Variants in MARS1 observed in about 807,000 individuals in gnomAD.
The protein encoded by MARS1 is methionine--tRNA ligase, cytoplasmic.
Under a neutral mutation model 119.5 loss-of-function variants are expected in MARS1, and 80 were observed. The observed-to-expected ratio is 0.67, with a 90% CI of 0.56 to 0.81. MARS1 has a LOEUF of 0.81. Among genes scored for constraint, MARS1 ranks in the 30% least tolerant of loss-of-function variants. The pLI, the probability that MARS1 is intolerant of heterozygous loss-of-function variation, is 0.00. For synonymous variants in MARS1, 418 were observed against 433.4 expected, an observed-to-expected ratio of 0.96 and a Z score of 0.44; for missense variants, 945 against 1,116.5, an observed-to-expected ratio of 0.85 and a Z score of 2.19.
chr12:57,495,256 C>G (rs1214721824), intron 7 of MARS1, among the ~76,000 whole-genome samples: 1 of 150,520 alleles, frequency 6.6e-6, no homozygotes, highest in African/African-American at 2.4e-5. Flanking sequence ...GCTGGCGGGG[C>G]GGGGGCTGCC....
intron 7 of MARS1, among the ~76,000 whole-genome samples, chr12:57,494,022 C>T (rs1876444825): frequency 1.5e-5 from 2 of 136,254 alleles, no homozygotes; most frequent in South Asian, 4.4e-4. Flanking sequence ...GTGGCGTGAT[C>T]TCAGCTCACT....
intron 7 of MARS1, 82 bp from the exon 8 acceptor site, chr12:57,498,075 T>C: frequency 3.6e-6 from 3 of 841,918 alleles, no homozygotes; most frequent in East Asian, 4.9e-5. Flanking sequence ...AACAAATCTG[T>C]GTCCGGGTGT....
intron 11 of MARS1, among the ~76,000 whole-genome samples, chr12:57,506,287 A>G (rs1287288693): frequency 6.6e-6 from 1 of 151,978 alleles, no homozygotes; most frequent in African/African-American, 2.4e-5. Flanking sequence ...AATTAGCCAA[A>G]TGTGGTGGTG....
chr12:57,508,146 G>A (rs1436903784), intron 11 of MARS1, among the ~76,000 whole-genome samples: 1 of 151,672 alleles, frequency 6.6e-6, no homozygotes, highest in Non-Finnish European at 1.5e-5. Flanking sequence ...ATGGGATGGC[G>A]GCCGGGCAGA....
intron 10 of MARS1, among the ~76,000 whole-genome samples, chr12:57,502,673 T>G (rs1876973765): frequency 8.0e-6 from 1 of 124,916 alleles, no homozygotes; most frequent in South Asian, 2.6e-4. Context: ...GCTACTGCAC[T>G]CCAGCCTGGG....
chr12:57,488,801 C>G, intron 1 of MARS1: 1 of 850,288 alleles, frequency 1.2e-6, no homozygotes, highest in South Asian at 1.7e-5. Flanking sequence ...CAGTCCCCAT[C>G]TGTTGCTTCC....
intron 15 of MARS1, among the ~76,000 whole-genome samples, chr12:57,514,344 A>G (rs908739793): frequency 5.3e-5 from 8 of 151,870 alleles, no homozygotes; most frequent in Non-Finnish European, 1.0e-4. Context: ...TTTTTAGTAG[A>G]GACGAGGTTT....
intron 10 of MARS1, chr12:57,503,996 T>G: frequency 1.8e-6 from 1 of 558,466 alleles, no homozygotes. Context: ...TTTTTTTTAC[T>G]CTGGTGTGAT....
At chr12:57,496,711 A>C (rs1469785477) in intron 7 of MARS1, among the ~76,000 whole-genome samples, 1 of 151,948 alleles carries the variant, frequency 6.6e-6, no homozygotes, top group South Asian at 2.1e-4. Context: ...CCAGGAGTTC[A>C]AGATTACAGT....
chr12:57,504,138 G>C (rs1877064599), intron 10 of MARS1, 87 bp from the exon 11 acceptor site: 1 of 863,770 alleles, frequency 1.2e-6, no homozygotes, highest in African/African-American at 1.7e-5. Flanking sequence ...GCAGACTGAG[G>C]AGCTAATCCT....
chr12:57,509,278 A>C (rs553655950), intron 11 of MARS1, among the ~76,000 whole-genome samples: 1 of 152,310 alleles, frequency 6.6e-6, no homozygotes, highest in African/African-American at 2.4e-5. Context: ...CAACCATGTC[A>C]CCAACCTTGA....
intron 7 of MARS1, among the ~76,000 whole-genome samples, chr12:57,492,051 G>A (rs1375178221): frequency 1.3e-5 from 2 of 151,766 alleles, no homozygotes; most frequent in African/African-American, 4.8e-5. Flanking sequence ...AGGCTGAGGT[G>A]GGTGGATCAT....
At chr12:57,488,573 C>T (rs1242175656) in intron 1 of MARS1, 1 of 1,550,788 alleles carries the variant, frequency 6.4e-7, no homozygotes, top group Non-Finnish European at 8.7e-7. Context: ...AAATCCCTCT[C>T]TCCCCTCCTA....
chr12:57,511,140 A>AC (rs1347886776), intron 11 of MARS1, among the ~76,000 whole-genome samples: 5 of 51,706 alleles, frequency 9.7e-5, no homozygotes, highest in Admixed American at 3.1e-4. Flanking sequence ...ATTTTTAAAA[A>AC]TTAAAAAAAA....
chr12:57,493,359 T>A (rs1876109925), intron 7 of MARS1, among the ~76,000 whole-genome samples: 1 of 94,584 alleles, frequency 1.1e-5, no homozygotes, highest in South Asian at 2.7e-4. Flanking sequence ...ATATATTATA[T>A]GATATGTATA....
intron 11 of MARS1, among the ~76,000 whole-genome samples, chr12:57,508,187 A>G (rs1877317832): frequency 1.3e-5 from 2 of 151,522 alleles, no homozygotes; most frequent in African/African-American, 4.8e-5. Flanking sequence ...CTGGGCAGCC[A>G]GGCAGAGGGG....
intron 13 of MARS1, 33 bp downstream of exon 13, chr12:57,512,136 A>T (rs770634432): frequency 5.6e-6 from 9 of 1,608,006 alleles, no homozygotes; most frequent in Middle Eastern, 3.3e-4. Context: ...GTGCATGGGG[A>T]GGGTAGGCGG....
chr12:57,501,449 C>T (rs1876910898), intron 10 of MARS1, among the ~76,000 whole-genome samples: 2 of 152,206 alleles, frequency 1.3e-5, no homozygotes, highest in African/African-American at 4.8e-5. Flanking sequence ...CTTTGGGAGG[C>T]CAAGCTGGGT....
Position 57,488,752 on chromosome 12 carries a change from C to A in MARS1, c.110-267C>A, listed in dbSNP as rs568755380. 2.1e-5 allele frequency: 26 copies of A among 1,232,776 alleles called. No homozygotes were observed. The East Asian group carries it at 6.1e-4, about 29-fold the overall frequency. 76.4% of individuals were successfully genotyped at this position (1,232,776 alleles called of 1,614,324 possible). ...CCCAGTTACTTTCAGTCGTTAAGTT[C>A]TTGGCTGCAGCACTATCCCAATACC... On this transcript the variant is annotated intron_variant, in intron 1 of 20. Transcript: ENST00000262027.
Sources: allele counts gnomAD v4.1 joint callset (sites outside exome capture counted in the v4.1 genomes callset), GRCh38; gene constraint gnomAD v4.1.1; transcripts MANE v1.5; gene names NCBI Gene and HGNC (gene_info 2026-07-23, HGNC 2026-07-21).